The following KDM2A variants were observed in gnomAD, a reference collection of about 807,000 sequenced individuals.
The protein encoded by KDM2A is lysine-specific demethylase 2A.
KDM2A carries 3 observed loss-of-function variants against 137.3 expected under a neutral mutation model. That is an observed-to-expected ratio of 0.02 (90% CI 0.01 to 0.06). KDM2A has a LOEUF of 0.06. KDM2A is among the 10% of genes least tolerant of loss of function. The pLI is 1.00. For synonymous variants in KDM2A, 512 were observed against 541.5 expected (o/e 0.95, Z 0.76); for missense variants, 738 against 1,510.6 (o/e 0.49, Z 8.48).
chr11:67,127,694 AAATT>A (rs1298547539), intron 2 of KDM2A, among the ~76,000 whole-genome samples: 24 of 152,124 alleles, frequency 1.6e-4, no homozygotes, highest in African/African-American at 3.9e-4. Flanking sequence ...TATCTTTTTT[AAATT>A]AATTAATTTA....
rs527299556 is a variant in KDM2A, at chr11:67,169,544, T to C, written c.43-10535T>C. Among the ~76,000 whole-genome samples, 5 of 150,560 alleles carry C rather than the reference T, an allele frequency of 3.3e-5. No individual in the cohort carries two copies. In the South Asian group the frequency reaches 1.0e-3, roughly 32 times the overall value. ...ACGGGCCTGAGCCACCATACCTGGCTAATTGTTTTTTGGTAGAGAAGGGTT... is the reference window on the plus strand; with the variant it reads ...ACGGGCCTGAGCCACCATACCTGGCCAATTGTTTTTTGGTAGAGAAGGGTT... On this transcript the variant is annotated intron_variant, in intron 2 of 20. Transcript: ENST00000529006.
At chr11:67,174,354 TTC>T (rs1467859335) in intron 2 of KDM2A, among the ~76,000 whole-genome samples, 1 of 152,238 alleles carries the variant, frequency 6.6e-6, no homozygotes, top group African/African-American at 2.4e-5. Context: ...TCAGTGAATA[TTC>T]TCTGCTCAAA....
intron 2 of KDM2A, among the ~76,000 whole-genome samples, chr11:67,157,507 G>A (rs561538085): frequency 6.6e-6 from 1 of 151,908 alleles, no homozygotes; most frequent in African/African-American, 2.4e-5. Context: ...CACTTTGGGA[G>A]GCCGAGGGGG....
rs563260705 is a variant in KDM2A, at chr11:67,254,685, T to G, written c.3308-189T>G. Among the ~76,000 whole-genome samples, 1 of 152,154 alleles carries G rather than the reference T, an allele frequency of 6.6e-6. No individual in the cohort carries two copies. The highest frequency in any genetic ancestry group is 1.5e-5 in the Non-Finnish European group (1 of 68,042). ...TGCAGCCCTTGTGCTTGTTGTCATA[T>G]GGTGATGGGAGTGAGGCAGCAGGGT... is the stretch of plus-strand genomic sequence containing the variant. On this transcript the variant is annotated intron_variant, in intron 20 of 20. Coordinates refer to ENST00000529006, the MANE Select transcript of KDM2A (RefSeq NM_012308.3). The surrounding 1 kb of genome is among the most constrained non-coding windows in gnomAD (Gnocchi z 4.7).
In KDM2A at chr11:67,254,074, TG is replaced by T; in HGVS notation, c.3092-126del. The T allele has an allele frequency of 1.4e-6, 1 of 709,840 alleles. No individual in the cohort carries two copies. The highest frequency in any genetic ancestry group is 2.3e-6 in the Non-Finnish European group (1 of 432,664). 44.0% of individuals were successfully genotyped at this position (709,840 alleles called of 1,614,324 possible). On this transcript the variant is annotated intron_variant, in intron 19 of 20. Coordinates refer to ENST00000529006, the MANE Select transcript of KDM2A (RefSeq NM_012308.3). The surrounding 1 kb of genome is among the most constrained non-coding windows in gnomAD (Gnocchi z 4.7). Reference sequence around the variant, plus strand: ...AGTGCTCACACCCTGAAGGCATGGCTGGGTGTGGGCAGTTCTACTTAACCCC... The same window carrying T: ...AGTGCTCACACCCTGAAGGCATGGCTGGTGTGGGCAGTTCTACTTAACCCC...
rs1396037583 is a variant in KDM2A at position 67,217,425 on chromosome 11, A to C, written c.688-306A>C. 3 of 343,786 alleles carry C rather than the reference A, an allele frequency of 8.7e-6. No individual in the cohort carries two copies. The East Asian group carries it at 2.0e-4, about 23-fold the overall frequency. 21.3% of individuals were successfully genotyped at this position (343,786 alleles called of 1,614,324 possible). A position where few individuals can be genotyped will look rare whatever the true frequency, so the allele number is the denominator to read the frequency against. ...TAACTGTACTACTTAGGACTCTGGA[A>C]GCCAGACAGAGTGTTTAAGGGACTG... On this transcript the variant is annotated intron_variant, in intron 8 of 20. Coordinates refer to ENST00000529006, the MANE Select transcript of KDM2A (RefSeq NM_012308.3).
intron 9 of KDM2A, among the ~76,000 whole-genome samples, chr11:67,218,600 T>A (rs541545098): frequency 5.5e-4 from 84 of 151,718 alleles, no homozygotes; most frequent in African/African-American, 2.0e-3. Flanking sequence ...TATTTTATTT[T>A]ATTTATTTAT....
chr11:67,242,069 A>G (rs930765636), intron 12 of KDM2A, among the ~76,000 whole-genome samples: 2 of 152,206 alleles, frequency 1.3e-5, no homozygotes, highest in Non-Finnish European at 2.9e-5. Flanking sequence ...GTGAGACTCC[A>G]TCTAAAAAAT....
chr11:67,149,316 ATACCTTTTAG>A (rs1856327565), intron 2 of KDM2A: 1 of 152,074 alleles, frequency 6.6e-6, no homozygotes, highest in Non-Finnish European at 1.5e-5. Flanking sequence ...GGTGGTACTG[ATACCTTTTAG>A]GGTTGGTTGA....
At chr11:67,121,397 A>C (rs369716655) in intron 2 of KDM2A, 39 bp downstream of exon 2, 5 of 1,582,560 alleles carry the variant, frequency 3.2e-6, no homozygotes, top group African/African-American at 1.3e-5. Flanking sequence ...TCCAGTTTTA[A>C]AGTAGGATAA....
rs556820410 is a variant in KDM2A at position 67,257,039 on chromosome 11, G to C, written c.*1984G>C. On this transcript the variant is annotated 3_prime_UTR_variant, in exon 21 of 21. Coordinates refer to ENST00000529006, the MANE Select transcript of KDM2A (RefSeq NM_012308.3). ...TATCGTTAATGACCTATAATTGGAA[G>C]CTTCCTGCCTTTTTCTTTGGTTGCT... 6.6e-6 allele frequency: 1 copy of C among 152,668 alleles called. No individual in the cohort carries two copies. Among genetic ancestry groups the C allele is most frequent in the East Asian group, 1.9e-4 (1 of 5,192 alleles). 9.5% of individuals were successfully genotyped at this position (152,668 alleles called of 1,614,324 possible).
chr11:67,240,373 A>G, intron 12 of KDM2A: 1 of 1,534,100 alleles, frequency 6.5e-7, no homozygotes, highest in Non-Finnish European at 8.7e-7. Context: ...ACGAAAGGTC[A>G]GGGGGTCGAT....
chr11:67,135,583 A>T (rs1193446275), intron 2 of KDM2A, among the ~76,000 whole-genome samples: 1 of 152,248 alleles, frequency 6.6e-6, no homozygotes. Flanking sequence ...TTGTCAAGGC[A>T]GTAATCTGCG....
At chr11:67,231,324 C>T (rs906643820) in intron 11 of KDM2A, among the ~76,000 whole-genome samples, 1 of 152,084 alleles carries the variant, frequency 6.6e-6, no homozygotes, top group Non-Finnish European at 1.5e-5. Context: ...AGGTCCTACC[C>T]AAACTTTAAA....
chr11:67,223,561 C>A (rs1348884562), intron 10 of KDM2A, among the ~76,000 whole-genome samples: 2 of 152,018 alleles, frequency 1.3e-5, no homozygotes, highest in Non-Finnish European at 2.9e-5. Context: ...CACCACCACA[C>A]CTGGCTAGTT....
chr11:67,178,909 T>A (rs1857026916), intron 2 of KDM2A, among the ~76,000 whole-genome samples: 3 of 152,226 alleles, frequency 2.0e-5, no homozygotes, highest in Admixed American at 2.0e-4. Context: ...TTCTTTGGGT[T>A]ATATACCTAG....
At chr11:67,142,031 T>TTTCA (rs949179187) in intron 2 of KDM2A, among the ~76,000 whole-genome samples, 61 of 152,136 alleles carry the variant, frequency 4.0e-4, no homozygotes, top group East Asian at 1.4e-3. Flanking sequence ...ATGGTATTTC[T>TTTCA]TTCATTCATT....
intron 5 of KDM2A, among the ~76,000 whole-genome samples, chr11:67,197,675 A>G (rs1442213562): frequency 2.6e-5 from 4 of 152,176 alleles, no homozygotes; most frequent in Non-Finnish European, 5.9e-5. Flanking sequence ...CTGTGATAGG[A>G]TGTATTTGGT....
At chr11:67,243,173 C>A in intron 13 of KDM2A, 81 bp downstream of exon 13, 3 of 983,866 alleles carry the variant, frequency 3.0e-6, no homozygotes, top group Non-Finnish European at 4.8e-6. Context: ...AAAACAAGAA[C>A]AACTAGAGGC....
Sources: allele counts gnomAD v4.1 joint callset (sites outside exome capture counted in the v4.1 genomes callset), GRCh38; gene constraint gnomAD v4.1.1; non-coding constraint Gnocchi (gnomAD v3.1); transcripts MANE v1.5; gene names NCBI Gene and HGNC (gene_info 2026-07-23, HGNC 2026-07-21).